The following PACS2 variants were observed in gnomAD, a reference collection of about 807,000 sequenced individuals.
PACS2 encodes phosphofurin acidic cluster sorting protein 2.
In PACS2, 36 loss-of-function variants were observed where a neutral mutation model predicts 113.0. The ratio of observed to expected loss-of-function variants is 0.32; its 90% CI spans 0.24 to 0.42. The LOEUF (loss-of-function observed/expected upper bound fraction) is 0.42. Among genes scored for constraint, PACS2 ranks in the 10% least tolerant of loss-of-function variants. The pLI is 1.00. For synonymous variants in PACS2, 589 were observed against 536.1 expected, an observed-to-expected ratio of 1.10 and a Z score of -1.36; for missense variants, 1,015 against 1,239.5, an observed-to-expected ratio of 0.82 and a Z score of 2.72.
At chr14:105,310,197 G>C (rs902350371), upstream of PACS2, among the ~76,000 whole-genome samples, 3 of 151,848 alleles carry the variant, frequency 2.0e-5, no homozygotes, top group African/African-American at 4.8e-5. Flanking sequence ...ATTTTTTAGT[G>C]GTCTTATGGA....
chr14:105,394,153 C>A (rs1012807370), intron 24 of PACS2: 10 of 979,848 alleles, frequency 1.0e-5, no homozygotes, highest in Non-Finnish European at 1.2e-5. Context: ...ACCTCCAGGT[C>A]GACGTGGCCC....
intron 4 of PACS2, among the ~76,000 whole-genome samples, chr14:105,359,587 CTTTT>C (rs1162190552): frequency 1.8e-4 from 18 of 101,792 alleles, no homozygotes; most frequent in African/African-American, 1.2e-4. Context: ...GTATTTCTTT[CTTTT>C]TTTTTTTTTT....
chr14:105,327,134 C>T (rs767922912), intron 1 of PACS2, among the ~76,000 whole-genome samples: 1 of 152,284 alleles, frequency 6.6e-6, no homozygotes, highest in East Asian at 1.9e-4. Context: ...CAGCTTTGGG[C>T]GTGAAGAACA....
At chr14:105,373,179 A>G (rs1393732892) in intron 8 of PACS2, among the ~76,000 whole-genome samples, 1 of 152,266 alleles carries the variant, frequency 6.6e-6, no homozygotes, top group Non-Finnish European at 1.5e-5. Flanking sequence ...AATTCAACAA[A>G]TTCAAGTGCG....
rs147640082 is a variant in PACS2, at chr14:105,319,628, A to G, written c.119+4591A>G. 2.2e-3 allele frequency among the ~76,000 whole-genome samples: 336 copies of G among 152,310 alleles called. 1 individual carries two copies. Among genetic ancestry groups the G allele is most frequent in the African/African-American group, 7.8e-3 (326 of 41,562 alleles). Reference sequence around the variant, plus strand: ...AAATGTATGTTTTGTCTTTTGCAAAAGACAAAGTTGTTTCTTTTCAATCCT... The same window carrying G: ...AAATGTATGTTTTGTCTTTTGCAAAGGACAAAGTTGTTTCTTTTCAATCCT... On this transcript the variant is annotated intron_variant, in intron 1 of 24. Coordinates refer to ENST00000447393, the MANE Select transcript of PACS2 (RefSeq NM_001100913.3).
At chr14:105,313,324 C>T (rs764888402), upstream of PACS2, among the ~76,000 whole-genome samples, 43 of 152,198 alleles carry the variant, frequency 2.8e-4, no homozygotes, top group Non-Finnish European at 5.6e-4. Context: ...TACCCCCTCT[C>T]TGGACATAGT....
chr14:105,390,227 G>A lies in PACS2; in HGVS notation c.2076+224G>A, dbSNP rs587611918. The A allele has an allele frequency of 2.0e-4, 116 of 582,024 alleles. No homozygotes were observed. In the South Asian group the frequency reaches 2.1e-3, roughly 11 times the overall value. 36.1% of individuals were successfully genotyped at this position (582,024 alleles called of 1,614,324 possible). A position where few individuals can be genotyped will look rare whatever the true frequency, so the allele number is the denominator to read the frequency against. On this transcript the variant is annotated intron_variant, in intron 20 of 24. Coordinates refer to ENST00000447393, the MANE Select transcript of PACS2 (RefSeq NM_001100913.3). The stretch of plus-strand genomic sequence containing the variant: ...AGTTCCCCTTAGCTCTGCCTTGGGG[G>A]CTGATAAATGGAAGCAGAGACAGGT...
intron 1 of PACS2, among the ~76,000 whole-genome samples, chr14:105,339,991 C>T (rs2059665171): frequency 6.6e-6 from 1 of 152,220 alleles, no homozygotes; most frequent in African/African-American, 2.4e-5. Context: ...GTTGCCCAGG[C>T]TGGTCTTGAG....
upstream of PACS2, among the ~76,000 whole-genome samples, chr14:105,311,374 T>C (rs2140702308): frequency 6.6e-6 from 1 of 152,146 alleles, no homozygotes; most frequent in Admixed American, 6.5e-5. Context: ...CCACCTCAGC[T>C]TCCCAAGTCA....
chr14:105,391,373 G>A, intron 21 of PACS2, 124 bp downstream of exon 21: 1 of 766,200 alleles, frequency 1.3e-6, no homozygotes, highest in Non-Finnish European at 2.2e-6. Context: ...TCCCAGTCTT[G>A]CTGTGGTGCT....
At chr14:105,364,096 A>G (rs1490902276) in intron 4 of PACS2, among the ~76,000 whole-genome samples, 1 of 152,096 alleles carries the variant, frequency 6.6e-6, no homozygotes, top group Non-Finnish European at 1.5e-5. Flanking sequence ...AATAATAGTG[A>G]AGAAGTTTGA....
chr14:105,351,574 T>A (rs1157420132), intron 2 of PACS2, among the ~76,000 whole-genome samples: 2 of 152,224 alleles, frequency 1.3e-5, no homozygotes, highest in African/African-American at 4.8e-5. Context: ...GTGCAGTGGC[T>A]CATGCCTAAT....
At chr14:105,394,150 G>T in intron 24 of PACS2, 2 of 979,030 alleles carry the variant, frequency 2.0e-6, no homozygotes, top group Non-Finnish European at 2.4e-6. Context: ...ATGACCTCCA[G>T]GTCGACGTGG....
chr14:105,363,178 T>C lies in PACS2; in HGVS notation c.424-4035T>C, dbSNP rs150919145. ...GCCCTAGGATTTCAGGAATGGTAAA[T>C]GAGCACTGGCTTCAACTTAAAGTCA... On this transcript the variant is annotated intron_variant, in intron 4 of 24. Coordinates refer to ENST00000447393, the MANE Select transcript of PACS2 (RefSeq NM_001100913.3). Among the ~76,000 whole-genome samples the C allele has an allele frequency of 5.2e-3, 792 of 152,308 alleles. 7 individuals carry two copies. The highest frequency in any genetic ancestry group is 0.016 in the East Asian group (81 of 5,186).
chr14:105,371,990 C>T (rs1362360595), intron 8 of PACS2: 2 of 152,220 alleles, frequency 1.3e-5, no homozygotes, highest in East Asian at 1.9e-4. Flanking sequence ...GCAGAGCTCT[C>T]GGGCCCTAAC....
At chr14:105,388,542 A>C (rs1264805489) in intron 19 of PACS2, 1 of 152,358 alleles carries the variant, frequency 6.6e-6, no homozygotes, top group African/African-American at 2.4e-5. Flanking sequence ...ATTCTCTCTG[A>C]ATGACCCTGT....
At position 105,396,815 on chromosome 14, in the gene PACS2, T is replaced by C. The variant is rs2081544003; in HGVS notation, c.*2143T>C. 6.6e-6 allele frequency: 1 copy of C among 152,346 alleles called. No homozygotes were observed. Among genetic ancestry groups the C allele is most frequent in the African/African-American group, 2.4e-5 (1 of 41,442 alleles). The allele number at this position is 152,346 out of a possible 1,614,324, so 9.4% of individuals were successfully genotyped here. A position where few individuals can be genotyped will look rare whatever the true frequency, so the allele number is the denominator to read the frequency against. Reference sequence around the variant, plus strand: ...ACCGCGTCCTGCCTGCTCTTCCTGTTTCTTTCCCAAGGGTCACACTCAGTA... The same window carrying C: ...ACCGCGTCCTGCCTGCTCTTCCTGTCTCTTTCCCAAGGGTCACACTCAGTA... On this transcript the variant is annotated 3_prime_UTR_variant, in exon 25 of 25. Transcript: ENST00000447393.
intron 1 of PACS2, among the ~76,000 whole-genome samples, chr14:105,322,690 C>T (rs1264969153): frequency 6.6e-6 from 1 of 152,150 alleles, no homozygotes; most frequent in East Asian, 1.9e-4. Flanking sequence ...GATTTTGTTA[C>T]TGTGTATCTT....
chr14:105,301,549 G>C (rs1434745270), intron 1 of PACS2, among the ~76,000 whole-genome samples: 1 of 152,184 alleles, frequency 6.6e-6, no homozygotes, highest in Non-Finnish European at 1.5e-5. Context: ...CCTGGCCGCA[G>C]AGGTGGAGAC....
Sources: allele counts gnomAD v4.1 joint callset (sites outside exome capture counted in the v4.1 genomes callset), GRCh38; gene constraint gnomAD v4.1.1; transcripts MANE v1.5; gene names NCBI Gene and HGNC (gene_info 2026-07-23, HGNC 2026-07-21).